FHOD3: variants seen among roughly 807,000 people sequenced by gnomAD.
The protein encoded by FHOD3 is FH1/FH2 domain-containing protein 3.
In FHOD3, 90 loss-of-function variants were observed where a neutral mutation model predicts 173.0. The observed-to-expected ratio is 0.52, with a 90% confidence interval of 0.44 to 0.62. The LOEUF is 0.62. FHOD3 is among the 20% of genes least tolerant of loss of function. The probability of loss-of-function intolerance (pLI) is 0.00; values close to 1 mark genes in which losing one functional copy is unlikely to be tolerated. For synonymous variants in FHOD3, 828 were observed against 823.0 expected (o/e 1.01, Z -0.10); for missense variants, 1,945 against 2,034.7 (o/e 0.96, Z 0.85).
chr18:36,690,574 G>T (rs1023575102), intron 16 of FHOD3, among the ~76,000 whole-genome samples: 1 of 152,108 alleles, frequency 6.6e-6, no homozygotes. Flanking sequence ...GGGGCAGGAG[G>T]GGTCGCTAAG....
At chr18:36,704,180 C>T (rs1006092434) in intron 17 of FHOD3, among the ~76,000 whole-genome samples, 3 of 152,162 alleles carry the variant, frequency 2.0e-5, no homozygotes, top group Non-Finnish European at 4.4e-5. Flanking sequence ...TTCCCCCTAC[C>T]CCAACCTTCA....
At chr18:36,513,138 T>C (rs1190252803) in intron 5 of FHOD3, among the ~76,000 whole-genome samples, 2 of 150,960 alleles carry the variant, frequency 1.3e-5, no homozygotes, top group East Asian at 3.9e-4. Flanking sequence ...TTTATAGTCA[T>C]AGGTTTTTTT....
At chr18:36,443,241 G>A (rs1483844707) in intron 3 of FHOD3, among the ~76,000 whole-genome samples, 2 of 152,012 alleles carry the variant, frequency 1.3e-5, no homozygotes, top group African/African-American at 4.8e-5. Context: ...AATAATTCTT[G>A]CCTGTGACGA....
At chr18:36,317,569 GTTGT>G (rs1328677279) in intron 1 of FHOD3, among the ~76,000 whole-genome samples, 1 of 152,148 alleles carries the variant, frequency 6.6e-6, no homozygotes, top group Non-Finnish European at 1.5e-5. Flanking sequence ...TTTTGATGGG[GTTGT>G]TTGTTTTTTT....
intron 1 of FHOD3, among the ~76,000 whole-genome samples, chr18:36,340,227 G>C (rs1474538337): frequency 6.6e-6 from 1 of 152,158 alleles, no homozygotes. Context: ...TATTTATGTG[G>C]TTTATCCAAT....
chr18:36,533,252 G>A (rs2056860579), intron 5 of FHOD3, among the ~76,000 whole-genome samples: 1 of 152,244 alleles, frequency 6.6e-6, no homozygotes, highest in Non-Finnish European at 1.5e-5. Context: ...TGATAGTTTG[G>A]TGTAGTGTTA....
chr18:36,508,687 G>C (rs1193611526), intron 4 of FHOD3, among the ~76,000 whole-genome samples: 2 of 150,310 alleles, frequency 1.3e-5, no homozygotes, highest in Non-Finnish European at 2.9e-5. Context: ...TAGCAAACTA[G>C]CTTACTATTT....
intron 3 of FHOD3, among the ~76,000 whole-genome samples, chr18:36,412,884 G>A (rs2146922791): frequency 6.6e-6 from 1 of 152,294 alleles, no homozygotes; most frequent in Non-Finnish European, 1.5e-5. Context: ...AAGGAGTGGT[G>A]GGGATGGAAG....
intron 5 of FHOD3, among the ~76,000 whole-genome samples, chr18:36,575,094 CTGAG>C (rs1280665482): frequency 6.6e-6 from 1 of 152,024 alleles, no homozygotes; most frequent in Non-Finnish European, 1.5e-5. Flanking sequence ...CCTCAGCTTC[CTGAG>C]TATCTGGGAT....
chr18:36,386,523 G>A (rs1199386384), intron 3 of FHOD3, among the ~76,000 whole-genome samples: 1 of 152,236 alleles, frequency 6.6e-6, no homozygotes, highest in Non-Finnish European at 1.5e-5. Flanking sequence ...TCTTGGCTTG[G>A]AATTGCCCAG....
intron 14 of FHOD3, among the ~76,000 whole-genome samples, chr18:36,672,472 G>C (rs2037592930): frequency 6.6e-6 from 1 of 152,164 alleles, no homozygotes; most frequent in Non-Finnish European, 1.5e-5. Flanking sequence ...GACTTGATGG[G>C]GCAGCTTGGC....
chr18:36,621,039 G>C (rs1156800512), intron 9 of FHOD3, among the ~76,000 whole-genome samples: 1 of 152,106 alleles, frequency 6.6e-6, no homozygotes, highest in African/African-American at 2.4e-5. Flanking sequence ...CCAATTTCCT[G>C]TAATTTAACT....
intron 1 of FHOD3, among the ~76,000 whole-genome samples, chr18:36,339,423 G>GCC (rs2045495603): frequency 6.6e-6 from 1 of 152,208 alleles, no homozygotes; most frequent in Non-Finnish European, 1.5e-5. Flanking sequence ...GTTGCACAGG[G>GCC]CCCCATATGC....
At chr18:36,603,426 A>G (rs572844549) in intron 8 of FHOD3, among the ~76,000 whole-genome samples, 1 of 151,862 alleles carries the variant, frequency 6.6e-6, no homozygotes, top group South Asian at 2.1e-4. Context: ...TTTCTAGTAA[A>G]TCCAGGAAAG....
At chr18:36,379,083 A>G (rs1254594164) in intron 3 of FHOD3, among the ~76,000 whole-genome samples, 18 of 152,218 alleles carry the variant, frequency 1.2e-4, no homozygotes, top group Non-Finnish European at 2.9e-5. Flanking sequence ...ATTTCTCACC[A>G]TAATGGAAAG....
chr18:36,742,233 G>A (rs1476042317), intron 21 of FHOD3, among the ~76,000 whole-genome samples: 1 of 152,170 alleles, frequency 6.6e-6, no homozygotes, highest in Non-Finnish European at 1.5e-5. Context: ...GATCATGAAA[G>A]CAGTGGGGTA....
intron 19 of FHOD3, among the ~76,000 whole-genome samples, chr18:36,730,256 A>G (rs1267594456): frequency 6.6e-6 from 1 of 152,204 alleles, no homozygotes; most frequent in Non-Finnish European, 1.5e-5. Flanking sequence ...CTGGGCACGC[A>G]CCATATGTAT....
chr18:36,452,648 C>T (rs35289432), intron 3 of FHOD3, among the ~76,000 whole-genome samples: 13,631 of 152,100 alleles, frequency 0.09, 1,657 homozygotes, highest in African/African-American at 0.26. Context: ...CTCTGCTTCT[C>T]GGAGTCTGGC....
chr18:36,463,780 C>T (rs565601996), intron 3 of FHOD3, among the ~76,000 whole-genome samples: 51 of 152,216 alleles, frequency 3.4e-4, no homozygotes, highest in Non-Finnish European at 6.5e-4. Flanking sequence ...AGGCATGAGC[C>T]ACCATACCTG....
Sources: allele counts gnomAD v4.1 joint callset (sites outside exome capture counted in the v4.1 genomes callset), GRCh38; gene constraint gnomAD v4.1.1; transcripts MANE v1.5; gene names NCBI Gene and HGNC (gene_info 2026-07-23, HGNC 2026-07-21).